UBAC2: variants seen among roughly 807,000 people sequenced by gnomAD.
UBAC2 encodes the protein ubiquitin-associated domain-containing protein 2.
In UBAC2, 26 loss-of-function variants were observed where a neutral mutation model predicts 44.0. That is an observed-to-expected ratio of 0.59 (90% confidence interval 0.43 to 0.82). The LOEUF (loss-of-function observed/expected upper bound fraction) is 0.82. Ranked by LOEUF, UBAC2 falls within the 40% of genes least tolerant of loss-of-function variation. The probability of loss-of-function intolerance (pLI) is 0.00; values close to 1 mark genes in which losing one functional copy is unlikely to be tolerated. For missense variants in UBAC2, 329 were observed against 419.4 expected (o/e 0.78, Z 1.88); for synonymous variants, 155 against 154.3 (o/e 1.00, Z -0.04).
At chr13:99,206,106 A>G (rs2042869111) in intron 1 of UBAC2, 1 of 152,806 alleles carries the variant, frequency 6.5e-6, no homozygotes, top group African/African-American at 2.4e-5. Flanking sequence ...GCAGAGAAGC[A>G]GGAGCTCATT....
intron 4 of UBAC2, among the ~76,000 whole-genome samples, chr13:99,282,665 T>C (rs907504667): frequency 1.1e-4 from 16 of 152,222 alleles, no homozygotes; most frequent in African/African-American, 3.9e-4. Context: ...GGAGATACTT[T>C]AATAGTGAAG....
intron 4 of UBAC2, among the ~76,000 whole-genome samples, chr13:99,260,399 G>A (rs2043642307): frequency 6.6e-6 from 1 of 152,184 alleles, no homozygotes; most frequent in South Asian, 2.1e-4. Flanking sequence ...ACAAGTAGGT[G>A]AAGAAATGGA....
chr13:99,201,164 G>T, intron 1 of UBAC2: 1 of 1,356,594 alleles, frequency 7.4e-7, no homozygotes, highest in Non-Finnish European at 9.5e-7. Context: ...CGCCCGCCCC[G>T]ACCCCACCTG....
intron 1 of UBAC2, among the ~76,000 whole-genome samples, chr13:99,237,746 G>A (rs1418485995): frequency 1.3e-5 from 2 of 152,234 alleles, no homozygotes; most frequent in African/African-American, 2.4e-5. Context: ...CTTGAGCCCA[G>A]GAGTTTGAGA....
At chr13:99,311,719 A>T (rs1372538273) in intron 4 of UBAC2, among the ~76,000 whole-genome samples, 2 of 152,228 alleles carry the variant, frequency 1.3e-5, no homozygotes, top group African/African-American at 4.8e-5. Flanking sequence ...TGTGAGTCAT[A>T]CAGTTGTTCT....
At chr13:99,342,770 CCAA>C in intron 7 of UBAC2, among the ~76,000 whole-genome samples, 1 of 152,320 alleles carries the variant, frequency 6.6e-6, no homozygotes, top group Admixed American at 6.5e-5. Flanking sequence ...CCCTGACCGA[CCAA>C]CCAGGTGATC....
chr13:99,255,166 GT>G (rs1276304604), intron 4 of UBAC2: 1 of 1,614,126 alleles, frequency 6.2e-7, no homozygotes, highest in Non-Finnish European at 8.5e-7. Flanking sequence ...CACCAGCAGC[GT>G]GATGATGATC....
chr13:99,264,683 G>A (rs536466994), intron 4 of UBAC2, among the ~76,000 whole-genome samples: 5 of 152,124 alleles, frequency 3.3e-5, no homozygotes, highest in East Asian at 1.9e-4. Context: ...ATCCACTTCC[G>A]GCCTTGTGTG....
chr13:99,267,709 G>A (rs1424339334), intron 4 of UBAC2, among the ~76,000 whole-genome samples: 2 of 152,110 alleles, frequency 1.3e-5, no homozygotes, highest in African/African-American at 2.4e-5. Context: ...TTATCTTTTT[G>A]TAGCATTCTT....
rs1375962699 is a variant in UBAC2, at chr13:99,207,989, G to A, written c.31+7050G>A. Reference sequence around the variant, plus strand: ...TAAATCTTTATTTTTGCCTCTCATCGTCTCTTTTTTTTTTTTTTTTTTTTT... The same window carrying A: ...TAAATCTTTATTTTTGCCTCTCATCATCTCTTTTTTTTTTTTTTTTTTTTT... On this transcript the variant is annotated intron_variant, in intron 1 of 8. Coordinates refer to ENST00000403766, the MANE Select transcript of UBAC2 (RefSeq NM_001144072.2). Among the ~76,000 whole-genome samples, 10 of 91,390 alleles carry A rather than the reference G, an allele frequency of 1.1e-4. No homozygotes were observed. In the South Asian group the frequency reaches 1.5e-3, roughly 14 times the overall value. The allele number at this position is 91,390 out of a possible 152,430, so 60.0% of individuals were successfully genotyped here. A position where few individuals can be genotyped will look rare whatever the true frequency, so the allele number is the denominator to read the frequency against.
At position 99,292,657 on chromosome 13, in the gene UBAC2, A is replaced by G. The variant is rs11839141; in HGVS notation, c.390-21440A>G. On this transcript the variant is annotated intron_variant, in intron 4 of 8. Coordinates refer to ENST00000403766, the MANE Select transcript of UBAC2 (RefSeq NM_001144072.2). ...CATCTGACACTATTCTATTTTTACT[A>G]TCCTCTCGCTGAATAGTCAGTGAAT... Among the ~76,000 whole-genome samples, 217 of 151,272 alleles carry G rather than the reference A, an allele frequency of 1.4e-3. 2 individuals carry two copies. The highest frequency in any genetic ancestry group is 5.1e-3 in the African/African-American group (212 of 41,212).
intron 4 of UBAC2, chr13:99,255,394 T>C: frequency 6.2e-7 from 1 of 1,614,110 alleles, no homozygotes; most frequent in Non-Finnish European, 8.5e-7. Flanking sequence ...TGGGTCTTTA[T>C]AGAGCAGTAG....
chr13:99,204,652 A>T (rs1452531853), intron 1 of UBAC2, among the ~76,000 whole-genome samples: 1 of 151,950 alleles, frequency 6.6e-6, no homozygotes, highest in African/African-American at 2.4e-5. Context: ...CGCTGCAGAG[A>T]TTTTCAAAAC....
rs563471434 is a variant in UBAC2, at chr13:99,369,949, C to T, written c.927+2043C>T. Among the ~76,000 whole-genome samples the T allele has an allele frequency of 1.1e-4, 16 of 152,188 alleles. No individual in the cohort carries two copies. The East Asian group carries it at 2.9e-3, about 28-fold the overall frequency. On this transcript the variant is annotated intron_variant, in intron 8 of 8. Transcript: ENST00000403766. Reference sequence around the variant, plus strand: ...ACCTGGTCTATGTTCTTCAAAAATACGATGTTCCAGATTAAAGGAGACTTG... The same window carrying T: ...ACCTGGTCTATGTTCTTCAAAAATATGATGTTCCAGATTAAAGGAGACTTG...
At chr13:99,220,031 GA>G (rs141090390) in intron 1 of UBAC2, among the ~76,000 whole-genome samples, 8 of 151,110 alleles carry the variant, frequency 5.3e-5, no homozygotes, top group East Asian at 3.9e-4. Context: ...GGTTTTTGTG[GA>G]AAAAAAAATC....
intron 4 of UBAC2, among the ~76,000 whole-genome samples, chr13:99,309,258 A>G (rs906569788): frequency 6.6e-6 from 1 of 151,948 alleles, no homozygotes; most frequent in African/African-American, 2.4e-5. Context: ...CTACAGGCAT[A>G]TGCCACCATG....
intron 7 of UBAC2, among the ~76,000 whole-genome samples, chr13:99,354,707 C>T (rs554786590): frequency 6.6e-6 from 1 of 152,240 alleles, no homozygotes; most frequent in Non-Finnish European, 1.5e-5. Context: ...ACCTGCAAAA[C>T]AGGACAGACT....
Position 99,295,413 on chromosome 13 carries a change from T to G in UBAC2, c.390-18684T>G. On this transcript the variant is annotated intron_variant, in intron 4 of 8. Coordinates refer to ENST00000403766, the MANE Select transcript of UBAC2 (RefSeq NM_001144072.2). The surrounding 1 kb of genome is among the most constrained non-coding windows in gnomAD (Gnocchi z 4.1). ...AACACAACAATAATAAGAATAATTGTGTTGAGAGCCTTTTTGTTTACACCA... is the reference window on the plus strand; with the variant it reads ...AACACAACAATAATAAGAATAATTGGGTTGAGAGCCTTTTTGTTTACACCA... The G allele has an allele frequency of 6.2e-7, 1 of 1,614,134 alleles. No homozygotes were observed. The highest frequency in any genetic ancestry group is 1.1e-5 in the South Asian group (1 of 91,084).
At chr13:99,286,283 T>C (rs1219662450) in intron 4 of UBAC2, among the ~76,000 whole-genome samples, 1 of 152,224 alleles carries the variant, frequency 6.6e-6, no homozygotes, top group Non-Finnish European at 1.5e-5. Flanking sequence ...GCAACATACC[T>C]GGATCTGAAA....
Sources: gnomAD v4.1 joint callset for allele counts (sites outside exome capture counted in the v4.1 genomes callset) on GRCh38, gnomAD v4.1.1 for gene constraint, Gnocchi (gnomAD v3.1) non-coding constraint, MANE v1.5 for transcripts, NCBI Gene and HGNC (gene_info 2026-07-23, HGNC 2026-07-21) for gene names.